KCNMA1: variants seen among roughly 807,000 people sequenced by gnomAD.
KCNMA1 encodes the protein potassium calcium-activated channel subfamily M alpha 1, also known as Calcium-activated potassium channel subunit alpha-1.
KCNMA1 carries 29 observed loss-of-function variants against 140.0 expected under a neutral mutation model. The observed-to-expected ratio is 0.21, with a 90% CI of 0.15 to 0.28. The LOEUF is 0.28. Among genes scored for constraint, KCNMA1 ranks in the 10% least tolerant of loss-of-function variants. KCNMA1 has a pLI of 1.00. For synonymous variants in KCNMA1, 612 were observed against 611.9 expected (o/e 1.00, Z 0.00); for missense variants, 880 against 1,602.2 (o/e 0.55, Z 7.70).
chr10:77,320,632 C>G (rs978806208), intron 2 of KCNMA1, among the ~76,000 whole-genome samples: 1 of 152,166 alleles, frequency 6.6e-6, no homozygotes, highest in Non-Finnish European at 1.5e-5. Context: ...CCAATTTGAG[C>G]CCTGCCTCAC....
chr10:77,231,463 C>T (rs934720100), intron 3 of KCNMA1, among the ~76,000 whole-genome samples: 23 of 152,206 alleles, frequency 1.5e-4, no homozygotes, highest in African/African-American at 4.8e-4. Context: ...GATAGTGAAA[C>T]TTTGCAAACC....
intron 1 of KCNMA1, among the ~76,000 whole-genome samples, chr10:77,528,218 A>G (rs542358843): frequency 6.6e-6 from 1 of 152,330 alleles, no homozygotes; most frequent in South Asian, 2.1e-4. Context: ...CAGAGGGTGG[A>G]CCTGAAACAC....
intron 6 of KCNMA1, among the ~76,000 whole-genome samples, chr10:77,116,381 G>C (rs183907589): frequency 5.4e-4 from 82 of 152,214 alleles, no homozygotes; most frequent in Admixed American, 1.8e-3. Context: ...TGTAAACCCA[G>C]AGCTTCTGGG....
chr10:77,067,244 A>G (rs917521141), intron 14 of KCNMA1, among the ~76,000 whole-genome samples: 6 of 152,206 alleles, frequency 3.9e-5, no homozygotes, highest in Non-Finnish European at 2.9e-5. Context: ...GAATAGAATA[A>G]AAAGGAGGAG....
chr10:76,904,754 A>T (rs1353374038), intron 25 of KCNMA1: 4 of 152,254 alleles, frequency 2.6e-5, no homozygotes, highest in Non-Finnish European at 4.4e-5. Context: ...AGGAAAATGG[A>T]CATCATGTGC....
At chr10:77,417,440 G>A (rs697168) in intron 1 of KCNMA1, among the ~76,000 whole-genome samples, 72,343 of 152,082 alleles carry the variant, frequency 0.48, 18,437 homozygotes, top group East Asian at 0.73. Context: ...CATCACTGAC[G>A]TCTGGGTAAA....
chr10:77,029,698 T>C (rs2093771141), intron 15 of KCNMA1, among the ~76,000 whole-genome samples: 1 of 152,186 alleles, frequency 6.6e-6, no homozygotes, highest in Non-Finnish European at 1.5e-5. Flanking sequence ...ATTCTGAGGA[T>C]GCAGGGAGCA....
intron 1 of KCNMA1, among the ~76,000 whole-genome samples, chr10:77,440,921 C>T (rs1332982764): frequency 2.0e-5 from 3 of 152,190 alleles, no homozygotes; most frequent in African/African-American, 7.2e-5. Flanking sequence ...CGGGTTCACG[C>T]CATTCTCCTG....
downstream of KCNMA1, chr10:76,877,632 G>A (rs2032635916): frequency 1.9e-6 from 2 of 1,039,802 alleles, no homozygotes; most frequent in Non-Finnish European, 1.4e-6. Context: ...GGCAATTCTT[G>A]CTTATCCTAA....
At chr10:77,038,211 C>T (rs1299397693) in intron 15 of KCNMA1, among the ~76,000 whole-genome samples, 2 of 152,126 alleles carry the variant, frequency 1.3e-5, no homozygotes, top group Non-Finnish European at 2.9e-5. Flanking sequence ...GCCTCCCTCC[C>T]TCCTGCATAC....
intron 1 of KCNMA1, among the ~76,000 whole-genome samples, chr10:77,413,706 T>C (rs1019763090): frequency 1.1e-4 from 17 of 152,172 alleles, no homozygotes; most frequent in African/African-American, 3.9e-4. Flanking sequence ...AACCTCTCCC[T>C]GGCTGCCATC....
intron 2 of KCNMA1, among the ~76,000 whole-genome samples, chr10:77,377,976 T>C (rs1603445651): frequency 6.6e-6 from 1 of 152,240 alleles, no homozygotes; most frequent in Non-Finnish European, 1.5e-5. Flanking sequence ...ATATTTGCCC[T>C]TTCCAGCATC....
At chr10:77,015,597 C>T (rs2091866179) in intron 17 of KCNMA1, among the ~76,000 whole-genome samples, 2 of 152,128 alleles carry the variant, frequency 1.3e-5, no homozygotes, top group African/African-American at 4.8e-5. Context: ...ATCCAACCGC[C>T]TTATGATATC....
rs185989033 is a variant in KCNMA1, at chr10:77,115,602, G to C, written c.885-3160C>G. 1.8e-4 allele frequency among the ~76,000 whole-genome samples: 28 copies of C among 152,266 alleles called. 1 individual carries two copies. The highest frequency in any genetic ancestry group is 1.6e-3 in the Admixed American group (24 of 15,292). ...AGTGTCCCACCAACAACCATGTAGAGTCCTCTTGAGATATTAAACCTATTT... is the reference window on the plus strand; with the variant it reads ...AGTGTCCCACCAACAACCATGTAGACTCCTCTTGAGATATTAAACCTATTT... On this transcript the variant is annotated intron_variant, in intron 6 of 27. Transcript: ENST00000286628.
At chr10:77,176,078 C>T (rs1056949864) in intron 5 of KCNMA1, among the ~76,000 whole-genome samples, 30 of 152,174 alleles carry the variant, frequency 2.0e-4, no homozygotes, top group African/African-American at 6.3e-4. Context: ...CGGGGCTCTT[C>T]AGCCAAGCAG....
intron 2 of KCNMA1, among the ~76,000 whole-genome samples, chr10:77,350,150 C>T (rs536070256): frequency 6.6e-5 from 10 of 152,318 alleles, no homozygotes; most frequent in African/African-American, 2.4e-4. Flanking sequence ...CCACCAGCCA[C>T]GGCCTCCCAA....
chr10:77,482,991 TACACACACAC>T (rs56364046), intron 1 of KCNMA1, among the ~76,000 whole-genome samples: 5,465 of 126,798 alleles, frequency 0.043, 231 homozygotes, highest in African/African-American at 0.094. Context: ...CTCTCTCACA[TACACACACAC>T]ACACACACAC....
At chr10:76,938,029 G>A (rs555845249) in intron 23 of KCNMA1, among the ~76,000 whole-genome samples, 1 of 152,028 alleles carries the variant, frequency 6.6e-6, no homozygotes, top group East Asian at 1.9e-4. Flanking sequence ...CCCTCCCCTG[G>A]GACATTCGGG....
At chr10:77,514,182 G>A (rs1029840061) in intron 1 of KCNMA1, among the ~76,000 whole-genome samples, 23 of 152,298 alleles carry the variant, frequency 1.5e-4, no homozygotes, top group East Asian at 3.9e-4. Context: ...TCAGGGTCCC[G>A]AGGGCCTGGC....
Sources: allele counts gnomAD v4.1 joint callset (sites outside exome capture counted in the v4.1 genomes callset), GRCh38; gene constraint gnomAD v4.1.1; transcripts MANE v1.5; gene names NCBI Gene and HGNC (gene_info 2026-07-23, HGNC 2026-07-21).